The following CSMD1 variants were observed in gnomAD, a reference collection of about 807,000 sequenced individuals.
The protein encoded by CSMD1 is CUB and sushi domain-containing protein 1.
CSMD1 carries 213 observed loss-of-function variants against 417.5 expected under a neutral mutation model. The ratio of observed to expected loss-of-function variants is 0.51; its 90% CI spans 0.46 to 0.57. The LOEUF is 0.57. CSMD1 is among the 20% of genes least tolerant of loss of function. The pLI, the probability that CSMD1 is intolerant of heterozygous loss-of-function variation, is 0.00. For synonymous variants in CSMD1, 2,862 were observed against 1,736.8 expected, an observed-to-expected ratio of 1.65 and a Z score of -16.11; for missense variants, 6,923 against 4,529.7, an observed-to-expected ratio of 1.53 and a Z score of -15.17.
intron 2 of CSMD1, among the ~76,000 whole-genome samples, 154 bp from the exon 3 acceptor site, chr8:4,420,219 G>GGA (rs1450566718): frequency 6.6e-6 from 1 of 152,112 alleles, no homozygotes; most frequent in African/African-American, 2.4e-5. Context: ...AGCTTTGGTT[G>GGA]TTAAGTATTT....
intron 3 of CSMD1, among the ~76,000 whole-genome samples, chr8:4,383,841 T>A (rs550153763): frequency 6.6e-6 from 1 of 152,098 alleles, no homozygotes; most frequent in East Asian, 1.9e-4. Context: ...TTGAAAATAA[T>A]AACATGGAAA....
chr8:3,178,196 T>C (rs1821061747), intron 37 of CSMD1, among the ~76,000 whole-genome samples: 1 of 152,174 alleles, frequency 6.6e-6, no homozygotes, highest in South Asian at 2.1e-4. Context: ...TTACAGCCCA[T>C]CTTTCAAATA....
intron 6 of CSMD1, among the ~76,000 whole-genome samples, chr8:3,752,875 C>G (rs971231518): frequency 6.6e-6 from 1 of 151,938 alleles, no homozygotes; most frequent in Non-Finnish European, 1.5e-5. Context: ...TACTGGTCAT[C>G]CTGAAGGAAA....
At chr8:4,053,384 G>A (rs773044922) in intron 3 of CSMD1, among the ~76,000 whole-genome samples, 10 of 151,154 alleles carry the variant, frequency 6.6e-5, no homozygotes, top group Non-Finnish European at 8.8e-5. Flanking sequence ...CAGTGTGTGC[G>A]CTGACTGCCT....
Position 4,776,650 on chromosome 8 carries a change from G to A in CSMD1, c.86-139092C>T, listed in dbSNP as rs143283035. 3.1e-3 allele frequency among the ~76,000 whole-genome samples: 470 copies of A among 152,252 alleles called. 2 individuals carry two copies. Among genetic ancestry groups the A allele is most frequent in the Middle Eastern group, 0.01 (3 of 292 alleles). On this transcript the variant is annotated intron_variant, in intron 1 of 69. Transcript: ENST00000635120. Reference sequence around the variant, plus strand: ...GAAAATATTTAAATAGGGGGGTTGTGAACTGACATAAGTCAGGATTCTTTA... The same window carrying A: ...GAAAATATTTAAATAGGGGGGTTGTAAACTGACATAAGTCAGGATTCTTTA...
In CSMD1 at chr8:3,961,582, C is replaced by G. The variant is rs113576165; in HGVS notation, c.818+36321G>C. Reference sequence around the variant, plus strand: ...TTTCCACTAAAGGTATCTATAAAAACGCTTTGAGATCATAATTTACTCAGG... The same window carrying G: ...TTTCCACTAAAGGTATCTATAAAAAGGCTTTGAGATCATAATTTACTCAGG... On this transcript the variant is annotated intron_variant, in intron 5 of 69. Coordinates refer to ENST00000635120, the MANE Select transcript of CSMD1 (RefSeq NM_033225.6). Among the ~76,000 whole-genome samples, 99 of 152,254 alleles carry G rather than the reference C, an allele frequency of 6.5e-4. 1 individual carries two copies. In the South Asian group the frequency reaches 0.019, roughly 30 times the overall value.
intron 3 of CSMD1, among the ~76,000 whole-genome samples, chr8:4,066,141 G>T (rs180787343): frequency 6.0e-4 from 91 of 151,530 alleles, no homozygotes; most frequent in African/African-American, 2.0e-3. Flanking sequence ...TCTTTTCTCT[G>T]TTTGGAAGAC....
chr8:4,139,300 C>G (rs1298968578), intron 3 of CSMD1, among the ~76,000 whole-genome samples: 3 of 152,168 alleles, frequency 2.0e-5, no homozygotes, highest in African/African-American at 7.2e-5. Context: ...TGTCTTACAG[C>G]TGTCGTTATA....
intron 3 of CSMD1, among the ~76,000 whole-genome samples, chr8:4,128,609 C>T (rs1049867918): frequency 1.3e-5 from 2 of 152,132 alleles, no homozygotes; most frequent in South Asian, 2.1e-4. Context: ...TGTTACAAAG[C>T]CCATGCTTGC....
At chr8:4,068,251 A>C (rs537683513) in intron 3 of CSMD1, among the ~76,000 whole-genome samples, 33 of 152,286 alleles carry the variant, frequency 2.2e-4, no homozygotes, top group African/African-American at 7.7e-4. Flanking sequence ...AACCCCTCAA[A>C]GGTTGCCCTC....
chr8:3,644,017 T>G (rs920436299), intron 7 of CSMD1, among the ~76,000 whole-genome samples: 4 of 152,194 alleles, frequency 2.6e-5, no homozygotes, highest in African/African-American at 7.2e-5. Context: ...CAAAAACAAC[T>G]GGAAACAAAC....
chr8:3,308,563 A>G (rs1212640536), intron 23 of CSMD1, 60 bp from the exon 24 acceptor site: 1 of 1,368,754 alleles, frequency 7.3e-7, no homozygotes, highest in Admixed American at 2.0e-5. Flanking sequence ...GCCTTAAAAC[A>G]GAGATGAAAC....
chr8:3,940,653 G>T (rs557145222), intron 5 of CSMD1, among the ~76,000 whole-genome samples: 1 of 151,526 alleles, frequency 6.6e-6, no homozygotes, highest in East Asian at 1.9e-4. Context: ...TCTTGTTTGG[G>T]TTTCCTAGAT....
intron 3 of CSMD1, among the ~76,000 whole-genome samples, chr8:4,128,015 T>C (rs764830876): frequency 2.0e-5 from 3 of 152,180 alleles, no homozygotes; most frequent in Non-Finnish European, 4.4e-5. Flanking sequence ...CTTGAGCAAG[T>C]ACCACATTTT....
intron 2 of CSMD1, among the ~76,000 whole-genome samples, chr8:4,630,109 G>C (rs1356784391): frequency 1.3e-5 from 2 of 152,176 alleles, no homozygotes; most frequent in African/African-American, 4.8e-5. Flanking sequence ...ACCACAGCAT[G>C]AGGAGGTAGT....
intron 2 of CSMD1, among the ~76,000 whole-genome samples, chr8:4,635,801 T>C (rs1381542918): frequency 6.6e-6 from 1 of 152,084 alleles, no homozygotes; most frequent in Admixed American, 6.5e-5. Flanking sequence ...ATGTAGATAC[T>C]TTGTTCAAAT....
intron 37 of CSMD1, among the ~76,000 whole-genome samples, chr8:3,169,631 T>G (rs990829660): frequency 1.3e-5 from 2 of 152,192 alleles, no homozygotes; most frequent in Non-Finnish European, 2.9e-5. Context: ...AACTGTACGC[T>G]TAACAATAGT....
At chr8:3,012,652 T>A (rs1440598504) in intron 52 of CSMD1, among the ~76,000 whole-genome samples, 1 of 152,214 alleles carries the variant, frequency 6.6e-6, no homozygotes, top group East Asian at 1.9e-4. Flanking sequence ...GGGAAGTTAA[T>A]CTAAAGAACC....
At chr8:3,713,682 CCAAA>C (rs1203452460) in intron 6 of CSMD1, among the ~76,000 whole-genome samples, 4 of 152,278 alleles carry the variant, frequency 2.6e-5, no homozygotes, top group East Asian at 1.9e-4. Flanking sequence ...TCAGATAACC[CCAAA>C]CAAATAAATA....
Sources: allele counts gnomAD v4.1 joint callset (sites outside exome capture counted in the v4.1 genomes callset), GRCh38; gene constraint gnomAD v4.1.1; transcripts MANE v1.5; gene names NCBI Gene and HGNC (gene_info 2026-07-23, HGNC 2026-07-21).